The following TOX variants were observed in gnomAD, a reference collection of about 807,000 sequenced individuals.
TOX encodes thymocyte selection associated high mobility group box.
Under a neutral mutation model 53.7 loss-of-function variants are expected in TOX, and 11 were observed. That is an observed-to-expected ratio of 0.20 (90% CI 0.13 to 0.34). The LOEUF (loss-of-function observed/expected upper bound fraction) is 0.34, where lower values mean the gene tolerates loss of function less well. TOX is among the 10% of genes least tolerant of loss of function. TOX has a pLI of 1.00. For synonymous variants in TOX, 225 were observed against 245.3 expected (o/e 0.92, Z 0.77); for missense variants, 570 against 664.6 (o/e 0.86, Z 1.56).
At chr8:58,900,701 T>C (rs1272567656) in intron 3 of TOX, among the ~76,000 whole-genome samples, 1 of 152,104 alleles carries the variant, frequency 6.6e-6, no homozygotes, top group African/African-American at 2.4e-5. Context: ...CAAGACTATA[T>C]AGGCCATAAT....
At chr8:59,036,426 A>T (rs1432297988) in intron 1 of TOX, among the ~76,000 whole-genome samples, 1 of 152,088 alleles carries the variant, frequency 6.6e-6, no homozygotes, top group Non-Finnish European at 1.5e-5. Flanking sequence ...ATGAGGGGAG[A>T]CTGTGTTATC....
intron 1 of TOX, among the ~76,000 whole-genome samples, chr8:58,965,376 A>G (rs1812874733): frequency 6.6e-6 from 1 of 152,206 alleles, no homozygotes; most frequent in South Asian, 2.1e-4. Flanking sequence ...CAAACCCATA[A>G]TCCCAAAGAG....
At chr8:59,063,987 C>T (rs1268452404) in intron 1 of TOX, among the ~76,000 whole-genome samples, 1 of 151,658 alleles carries the variant, frequency 6.6e-6, no homozygotes, top group African/African-American at 2.4e-5. Context: ...CAATGTTGTG[C>T]TAAATGTACT....
intron 3 of TOX, among the ~76,000 whole-genome samples, chr8:58,899,982 T>C (rs930213548): frequency 2.0e-5 from 3 of 151,772 alleles, no homozygotes. Context: ...TTTTTTTTAG[T>C]TGGACTCTAA....
chr8:58,926,063 T>C (rs1191673854), intron 3 of TOX, among the ~76,000 whole-genome samples: 1 of 152,158 alleles, frequency 6.6e-6, no homozygotes, highest in East Asian at 1.9e-4. Flanking sequence ...CTGAGCTGGA[T>C]TGTGAATTAC....
chr8:59,006,821 C>T (rs1193433791), intron 1 of TOX, among the ~76,000 whole-genome samples: 2 of 152,140 alleles, frequency 1.3e-5, no homozygotes, highest in Non-Finnish European at 2.9e-5. Flanking sequence ...TGTGCACAGA[C>T]ATCCAGACCA....
At chr8:58,884,540 A>G (rs1811436086) in intron 3 of TOX, among the ~76,000 whole-genome samples, 1 of 152,168 alleles carries the variant, frequency 6.6e-6, no homozygotes, top group Admixed American at 6.5e-5. Context: ...AGACTGTCAA[A>G]GAGCTTTGCA....
intron 2 of TOX, among the ~76,000 whole-genome samples, chr8:58,953,550 G>A (rs1232410147): frequency 1.3e-5 from 2 of 152,102 alleles, no homozygotes; most frequent in African/African-American, 4.8e-5. Flanking sequence ...TGTATGCAAG[G>A]CAACAAGAGC....
chr8:58,904,303 A>AT (rs35666441), intron 3 of TOX, among the ~76,000 whole-genome samples: 8,644 of 140,872 alleles, frequency 0.061, 308 homozygotes, highest in East Asian at 0.21. Context: ...TAGACGACAT[A>AT]TTTTTTTTTT....
chr8:58,933,180 T>C (rs1280699372), intron 3 of TOX, among the ~76,000 whole-genome samples: 1 of 152,196 alleles, frequency 6.6e-6, no homozygotes, highest in Non-Finnish European at 1.5e-5. Flanking sequence ...ATGAAAGAGC[T>C]TCTGTTGACT....
At chr8:58,997,005 G>T (rs1585951197) in intron 1 of TOX, among the ~76,000 whole-genome samples, 1 of 152,162 alleles carries the variant, frequency 6.6e-6, no homozygotes, top group African/African-American at 2.4e-5. Context: ...TTTTAGAAAT[G>T]CACCACTATA....
At chr8:58,985,016 A>C (rs1813300176) in intron 1 of TOX, among the ~76,000 whole-genome samples, 1 of 150,612 alleles carries the variant, frequency 6.6e-6, no homozygotes, top group African/African-American at 2.4e-5. Flanking sequence ...CTATGGACAT[A>C]ACTATGGTCC....
intron 2 of TOX, among the ~76,000 whole-genome samples, chr8:58,941,827 C>T (rs958260635): frequency 5.3e-5 from 8 of 151,900 alleles, no homozygotes; most frequent in Non-Finnish European, 1.2e-4. Context: ...CTGAGGTGGG[C>T]AGATCACTTG....
intron 1 of TOX, among the ~76,000 whole-genome samples, chr8:59,072,959 C>T (rs758286182): frequency 1.3e-5 from 2 of 152,096 alleles, no homozygotes; most frequent in African/African-American, 2.4e-5. Flanking sequence ...TGTAATGAAG[C>T]TAATTTACAT....
intron 5 of TOX, among the ~76,000 whole-genome samples, chr8:58,827,584 TGTG>T (rs1810386739): frequency 6.6e-6 from 1 of 152,216 alleles, no homozygotes; most frequent in South Asian, 2.1e-4. Context: ...GTCATGGGTC[TGTG>T]GACACCTCAT....
intron 1 of TOX, among the ~76,000 whole-genome samples, chr8:59,057,632 T>C (rs1396901981): frequency 6.6e-6 from 1 of 152,182 alleles, no homozygotes; most frequent in Non-Finnish European, 1.5e-5. Flanking sequence ...CCTTTCAGTG[T>C]ACACAAACAA....
chr8:58,965,898 T>TTG (rs1812888416), intron 1 of TOX, among the ~76,000 whole-genome samples: 2 of 111,386 alleles, frequency 1.8e-5, no homozygotes, highest in Admixed American at 1.7e-4. Flanking sequence ...GTCATCGTTT[T>TTG]TTTTTTTTTT....
intron 1 of TOX, among the ~76,000 whole-genome samples, chr8:58,962,749 G>T (rs1361587784): frequency 6.6e-6 from 1 of 152,124 alleles, no homozygotes; most frequent in African/African-American, 2.4e-5. Context: ...GAGGCTGCAG[G>T]TATATTATCC....
chr8:58,882,431 G>A (rs532864132), intron 3 of TOX, among the ~76,000 whole-genome samples: 11 of 152,256 alleles, frequency 7.2e-5, no homozygotes, highest in Admixed American at 5.9e-4. Context: ...TCCAAATTTG[G>A]TCATATCTTT....
Sources: allele counts gnomAD v4.1 joint callset (sites outside exome capture counted in the v4.1 genomes callset), GRCh38; gene constraint gnomAD v4.1.1; transcripts MANE v1.5; gene names NCBI Gene and HGNC (gene_info 2026-07-23, HGNC 2026-07-21).